Variants in HDX observed in about 807,000 individuals in gnomAD.
HDX encodes the protein highly divergent homeobox, also known as chromosome X open reading frame 43.
HDX carries 19 observed loss-of-function variants against 45.2 expected under a neutral mutation model. That is an observed-to-expected ratio of 0.42 (90% CI 0.29 to 0.62). The LOEUF (loss-of-function observed/expected upper bound fraction) is 0.62. Ranked by LOEUF, HDX falls within the 20% of genes least tolerant of loss-of-function variation. The pLI, the probability that HDX is intolerant of heterozygous loss-of-function variation, is 0.20. For missense variants in HDX, 532 were observed against 493.9 expected (o/e 1.08, Z -0.73); for synonymous variants, 188 against 172.8 (o/e 1.09, Z -0.69).
chrX:84,458,301 A>G lies in HDX; in HGVS notation c.1251+10171T>C, dbSNP rs139669514. Among the ~76,000 whole-genome samples the G allele has an allele frequency of 5.3e-4, 59 of 111,479 alleles. No individual in the cohort carries two copies. The East Asian group carries it at 0.015, about 29-fold the overall frequency. Reference sequence around the variant, plus strand: ...GCACTATCAAAAAAAAAATCCACAAAAAAACCTCTTCTCCAAACCAATTCC... The same window carrying G: ...GCACTATCAAAAAAAAAATCCACAAGAAAACCTCTTCTCCAAACCAATTCC... On this transcript the variant is annotated intron_variant, in intron 4 of 10. Coordinates refer to ENST00000373177, the MANE Select transcript of HDX (RefSeq NM_001177479.2).
intron 5 of HDX, among the ~76,000 whole-genome samples, chrX:84,387,121 T>C (rs2038337687): frequency 8.9e-6 from 1 of 112,092 alleles, no homozygotes. Flanking sequence ...AAACACTTTG[T>C]CTAATTTCCA....
intron 5 of HDX, among the ~76,000 whole-genome samples, chrX:84,409,168 G>A (rs1035356169): frequency 2.8e-4 from 31 of 110,344 alleles, no homozygotes; most frequent in African/African-American, 9.2e-4. Context: ...CAAAACCACA[G>A]TGAGATACCA....
At chrX:84,383,675 TA>T (rs1208638324) in intron 5 of HDX, among the ~76,000 whole-genome samples, 2 of 111,129 alleles carry the variant, frequency 1.8e-5, no homozygotes, top group African/African-American at 6.5e-5. Flanking sequence ...CAATACTCAA[TA>T]TGCAGTTTTT....
chrX:84,468,877 G>A lies in HDX; in HGVS notation c.846C>T (p.Ala282=). 8.3e-7 allele frequency: 1 copy of A among 1,211,098 alleles called. No homozygotes were observed. Among genetic ancestry groups the A allele is most frequent in the African/African-American group, 1.7e-5 (1 of 57,724 alleles). Residue 282 remains alanine, a synonymous_variant, in exon 4 of 11, where the codon GCC becomes GCT. Coordinates refer to ENST00000373177, the MANE Select transcript of HDX (RefSeq NM_001177479.2). Reference sequence around the variant, plus strand: ...CTTCTGCTGAGCTAGGCTTCTGTGGGGCATTTCCTCCCAGAATTCTCTGGG... The same window carrying A: ...CTTCTGCTGAGCTAGGCTTCTGTGGAGCATTTCCTCCCAGAATTCTCTGGG... ...DYPQRILGGN[A]PQKPSSAEGN...
chrX:84,500,489 CAAT>C lies in HDX; in HGVS notation c.-110+1850_-110+1852del, dbSNP rs1158602994. Among the ~76,000 whole-genome samples, 4 of 103,576 alleles carry C rather than the reference CAAT, an allele frequency of 3.9e-5. No individual in the cohort carries two copies. In the East Asian group the frequency reaches 8.9e-4, roughly 23 times the overall value. The allele number at this position is 103,576 out of a possible 115,157, so 89.9% of individuals were successfully genotyped here. A position where few individuals can be genotyped will look rare whatever the true frequency, so the allele number is the denominator to read the frequency against. On this transcript the variant is annotated intron_variant, in intron 1 of 10. Transcript: ENST00000373177. ...ACACACACAACAACAACAACAACAA[CAAT>C]AACAAAGGAGACAATACAAAGCAGC...
chrX:84,335,887 A>G (rs2036948705), intron 8 of HDX, among the ~76,000 whole-genome samples: 1 of 110,712 alleles, frequency 9.0e-6, no homozygotes, highest in Non-Finnish European at 1.9e-5. Context: ...AAATAGCAAA[A>G]CTATTTTATG....
intron 5 of HDX, among the ~76,000 whole-genome samples, chrX:84,389,725 G>A (rs1019937043): frequency 9.0e-6 from 1 of 111,259 alleles, no homozygotes; most frequent in African/African-American, 3.3e-5. Flanking sequence ...GTGCCTCCCA[G>A]AGAAAAATGG....
intron 2 of HDX, among the ~76,000 whole-genome samples, chrX:84,476,105 A>G (rs1331522257): frequency 9.0e-6 from 1 of 111,091 alleles, no homozygotes; most frequent in Non-Finnish European, 1.9e-5. Flanking sequence ...ACAATTTGAC[A>G]AGATAAGTTA....
intron 8 of HDX, among the ~76,000 whole-genome samples, chrX:84,334,620 C>T (rs964688259): frequency 6.8e-5 from 7 of 102,837 alleles, no homozygotes; most frequent in Admixed American, 1.1e-4. Flanking sequence ...CCAATTAGCT[C>T]CAACCATGAG....
intron 1 of HDX, among the ~76,000 whole-genome samples, chrX:84,499,177 T>C (rs1313344673): frequency 8.9e-6 from 1 of 111,893 alleles, no homozygotes; most frequent in Non-Finnish European, 1.9e-5. Flanking sequence ...TTAATGCTAG[T>C]AAAGTACCTC....
intron 5 of HDX, among the ~76,000 whole-genome samples, chrX:84,436,284 G>C (rs1233193501): frequency 4.9e-4 from 34 of 68,844 alleles, no homozygotes; most frequent in African/African-American, 1.7e-3. Context: ...GTGGTGGGGT[G>C]GGGGGAGGGG....
chrX:84,490,546 C>T (rs1028558197), intron 1 of HDX, among the ~76,000 whole-genome samples: 1 of 110,814 alleles, frequency 9.0e-6, no homozygotes, highest in African/African-American at 3.3e-5. Context: ...TTACTATTTC[C>T]AGTACTCTCC....
At chrX:84,491,209 C>T (rs147820708) in intron 1 of HDX, among the ~76,000 whole-genome samples, 43 of 111,372 alleles carry the variant, frequency 3.9e-4, no homozygotes, top group Non-Finnish European at 9.4e-5. Flanking sequence ...ATTGTTGCTC[C>T]ATTCATTTAT....
chrX:84,497,534 C>T (rs913374301), intron 1 of HDX, among the ~76,000 whole-genome samples: 3 of 110,767 alleles, frequency 2.7e-5, no homozygotes, highest in Non-Finnish European at 5.7e-5. Context: ...CCAGTGAAGC[C>T]ATTGGAGGTC....
chrX:84,448,129 C>T (rs774633169), intron 4 of HDX, among the ~76,000 whole-genome samples: 8 of 111,890 alleles, frequency 7.1e-5, no homozygotes, highest in Non-Finnish European at 1.3e-4. Context: ...GTTACCCCGC[C>T]CCATCCACCA....
At chrX:84,364,875 G>C (rs1008285711) in intron 5 of HDX, among the ~76,000 whole-genome samples, 2 of 110,794 alleles carry the variant, frequency 1.8e-5, no homozygotes, top group African/African-American at 6.6e-5. Context: ...TCCGTGCCTA[G>C]CTTACTTCAC....
chrX:84,401,952 C>T (rs191704395), intron 5 of HDX, among the ~76,000 whole-genome samples: 1 of 111,812 alleles, frequency 8.9e-6, no homozygotes, highest in East Asian at 2.8e-4. Context: ...AACAGAAAAC[C>T]AAACATTGCA....
intron 5 of HDX, among the ~76,000 whole-genome samples, chrX:84,410,671 T>C (rs970549984): frequency 8.9e-6 from 1 of 111,757 alleles, no homozygotes; most frequent in African/African-American, 3.3e-5. Context: ...AGGATAAAAC[T>C]AGCTACATAG....
intron 8 of HDX, 30 bp downstream of exon 8, chrX:84,336,771 A>G: frequency 1.1e-6 from 1 of 942,009 alleles, no homozygotes; most frequent in Non-Finnish European, 1.5e-6. Flanking sequence ...TCAACCATGT[A>G]ATGAGAAAAG....
Sources: allele counts gnomAD v4.1 joint callset (sites outside exome capture counted in the v4.1 genomes callset), GRCh38; gene constraint gnomAD v4.1.1; transcripts MANE v1.5; gene names NCBI Gene and HGNC (gene_info 2026-07-23, HGNC 2026-07-21).